SPTBN1: variants seen among roughly 807,000 people sequenced by gnomAD.
SPTBN1 encodes the protein spectrin beta, non-erythrocytic 1, also known as spectrin beta chain, non-erythrocytic 1.
SPTBN1 carries 32 observed loss-of-function variants against 266.4 expected under a neutral mutation model. The ratio of observed to expected loss-of-function variants is 0.12; its 90% CI spans 0.09 to 0.16. The LOEUF is 0.16. SPTBN1 is among the 10% of genes least tolerant of loss of function. SPTBN1 has a pLI of 1.00. For missense variants in SPTBN1, 2,296 were observed against 3,067.1 expected (o/e 0.75, Z 5.94); for synonymous variants, 1,336 against 1,162.2 (o/e 1.15, Z -3.04).
intron 1 of SPTBN1, among the ~76,000 whole-genome samples, chr2:54,504,699 G>T (rs950292431): frequency 6.6e-6 from 1 of 152,138 alleles, no homozygotes; most frequent in Non-Finnish European, 1.5e-5. Flanking sequence ...GTATTCATAA[G>T]AGGTCCTGGA....
chr2:54,663,976 T>G (rs1210178236), intron 32 of SPTBN1: 1 of 152,944 alleles, frequency 6.5e-6, no homozygotes, highest in Admixed American at 6.5e-5. Context: ...CTTGTCTTAC[T>G]CTGGGGGAAT....
chr2:54,485,271 G>C (rs893940116), intron 1 of SPTBN1, among the ~76,000 whole-genome samples: 1 of 148,574 alleles, frequency 6.7e-6, no homozygotes, highest in African/African-American at 2.5e-5. Flanking sequence ...CTCCCATCTC[G>C]GCTCACTGCA....
intron 18 of SPTBN1, among the ~76,000 whole-genome samples, chr2:54,640,448 A>G (rs1029296725): frequency 2.0e-5 from 3 of 152,182 alleles, no homozygotes; most frequent in Non-Finnish European, 4.4e-5. Flanking sequence ...TGTACCAGCA[A>G]TACAGTATGC....
chr2:54,636,398 A>G (rs559027299), intron 17 of SPTBN1, among the ~76,000 whole-genome samples: 2 of 152,338 alleles, frequency 1.3e-5, no homozygotes, highest in Admixed American at 1.3e-4. Context: ...AATATGTATA[A>G]TTTCTACTGT....
intron 2 of SPTBN1, among the ~76,000 whole-genome samples, chr2:54,587,639 TG>T (rs1168510172): frequency 9.9e-5 from 15 of 152,142 alleles, no homozygotes; most frequent in African/African-American, 3.6e-4. Context: ...AAATAAGAGC[TG>T]AAGAGCCTTC....
At chr2:54,489,470 G>C (rs1209932211) in intron 1 of SPTBN1, among the ~76,000 whole-genome samples, 1 of 152,232 alleles carries the variant, frequency 6.6e-6, no homozygotes, top group Non-Finnish European at 1.5e-5. Context: ...GGAGGCTGAA[G>C]TGGGTGGATC....
chr2:54,536,785 A>G (rs1671632513), intron 2 of SPTBN1, among the ~76,000 whole-genome samples: 1 of 152,158 alleles, frequency 6.6e-6, no homozygotes, highest in South Asian at 2.1e-4. Flanking sequence ...TTATCCCAGC[A>G]CTTTGGGAGG....
rs1022158929 is a variant in SPTBN1, at chr2:54,586,460, A to G, written c.149-12632A>G. 5.9e-5 allele frequency among the ~76,000 whole-genome samples: 9 copies of G among 152,326 alleles called. No homozygotes were observed. In the East Asian group the frequency reaches 1.7e-3, roughly 29 times the overall value. On this transcript the variant is annotated intron_variant, in intron 2 of 35. Coordinates refer to ENST00000356805, the MANE Select transcript of SPTBN1 (RefSeq NM_003128.3). The stretch of plus-strand genomic sequence containing the variant: ...TGTCATAATTCTATAGTTTCAAGTG[A>G]TAACTTGGCATTGCTGTGGCTTTCT...
At chr2:54,491,923 A>G (rs981875527) in intron 1 of SPTBN1, among the ~76,000 whole-genome samples, 6 of 151,844 alleles carry the variant, frequency 4.0e-5, no homozygotes, top group African/African-American at 1.5e-4. Context: ...TTAAATCCAA[A>G]TTTTTCTATT....
intron 1 of SPTBN1, among the ~76,000 whole-genome samples, chr2:54,464,239 G>A (rs538415577): frequency 3.3e-4 from 50 of 152,228 alleles, no homozygotes; most frequent in Admixed American, 7.2e-4. Context: ...TTTAAACAAG[G>A]ATTTTCTTGG....
In SPTBN1 at chr2:54,572,679, T is replaced by C. The variant is rs189937414; in HGVS notation, c.149-26413T>C. ...AATCTTTGTTTTTCCTCTACAAATA[T>C]ACATATATGATTTCAATTTGGAGGT... On this transcript the variant is annotated intron_variant, in intron 2 of 35. Transcript: ENST00000356805. 5.3e-5 allele frequency among the ~76,000 whole-genome samples: 8 copies of C among 152,352 alleles called. No homozygotes were observed. The East Asian group carries it at 1.3e-3, about 26-fold the overall frequency.
intron 2 of SPTBN1, among the ~76,000 whole-genome samples, chr2:54,585,350 T>C (rs1006931336): frequency 1.3e-5 from 2 of 152,236 alleles, no homozygotes; most frequent in African/African-American, 2.4e-5. Flanking sequence ...AGGGATCTTA[T>C]GGTGCTACCC....
chr2:54,653,691 A>G lies in SPTBN1; in HGVS notation c.5660A>G (p.Asn1887Ser). The G allele has an allele frequency of 6.2e-7, 1 of 1,614,178 alleles. No homozygotes were observed. Among genetic ancestry groups the G allele is most frequent in the South Asian group, 1.1e-5 (1 of 91,086 alleles). Residue 1887 changes from asparagine to serine, a missense_variant, in exon 27 of 36, where the codon AAC becomes AGC. Around this residue, in one of 12 missense-constraint regions of SPTBN1, gnomAD observed 644 missense variants for 745.3 expected, o/e 0.86. Transcript: ENST00000356805. The surrounding 1 kb of genome is among the most constrained non-coding windows in gnomAD (Gnocchi z 5.1). ...GCCGACGATATCCAGAAGCGCGAGA[A>G]CGAGGTCCTGGAAGCCTGGAAGTCC... The part of the protein sequence containing the change: ...DKADDIQKRE[N>S]EVLEAWKSLL...
intron 27 of SPTBN1, among the ~76,000 whole-genome samples, chr2:54,654,693 A>AT (rs951623466): frequency 2.0e-5 from 3 of 152,308 alleles, no homozygotes; most frequent in South Asian, 4.1e-4. Context: ...TCAAGGTGCG[A>AT]TTGCGGCACC....
At chr2:54,500,209 A>G (rs1377722591) in intron 1 of SPTBN1, among the ~76,000 whole-genome samples, 1 of 152,202 alleles carries the variant, frequency 6.6e-6, no homozygotes, top group African/African-American at 2.4e-5. Flanking sequence ...TGTTTGAGAC[A>G]TTTTATTGTA....
chr2:54,534,212 A>G (rs1012819564), intron 2 of SPTBN1, among the ~76,000 whole-genome samples: 1 of 152,226 alleles, frequency 6.6e-6, no homozygotes, highest in Non-Finnish European at 1.5e-5. Flanking sequence ...CACACCTAAC[A>G]TTCTGTTCAG....
chr2:54,631,573 A>G lies in SPTBN1; in HGVS notation c.3526A>G (p.Arg1176Gly). ...SQSHAYQQFL[R>G]DTKQAEAFLN... is the part of the protein sequence containing the mutation. ...GTCACATGCCTACCAGCAGTTCCTC[A>G]GAGACACGAAGCAAGCCGAAGCCTT... is the stretch of plus-strand genomic sequence containing the variant. The change falls in exon 16 of 36, where the codon AGA (arginine) becomes GGA (glycine). Residue 1176 changes from arginine to glycine, a missense_variant. Coordinates refer to ENST00000356805, the MANE Select transcript of SPTBN1 (RefSeq NM_003128.3). 1.2e-6 allele frequency: 2 copies of G among 1,613,752 alleles called. No homozygotes were observed. The highest frequency in any genetic ancestry group is 1.7e-6 in the Non-Finnish European group (2 of 1,179,888).
At position 54,670,951 on chromosome 2, in the gene SPTBN1, G is replaced by GTT; in HGVS notation, c.*2387_*2388dup. On this transcript the variant is annotated 3_prime_UTR_variant, in exon 36 of 36. Coordinates refer to ENST00000356805, the MANE Select transcript of SPTBN1 (RefSeq NM_003128.3). ...GCCTGGCAGGGTAAATAGTTTTTGG[G>GTT]TTTTTTGTTTTTTTTTTATTCTTCC... 3 of 395,258 alleles carry GTT rather than the reference G, an allele frequency of 7.6e-6. No homozygotes were observed. Among genetic ancestry groups the GTT allele is most frequent in the Admixed American group, 4.4e-5 (1 of 22,582 alleles). 24.5% of individuals were successfully genotyped at this position (395,258 alleles called of 1,614,324 possible).
intron 1 of SPTBN1, among the ~76,000 whole-genome samples, chr2:54,498,636 A>G (rs1185515218): frequency 6.6e-6 from 1 of 152,224 alleles, no homozygotes; most frequent in Non-Finnish European, 1.5e-5. Context: ...TAACGCAACT[A>G]TATATACATC....
Sources: allele counts gnomAD v4.1 joint callset (sites outside exome capture counted in the v4.1 genomes callset), GRCh38; gene constraint gnomAD v4.1.1; regional missense constraint gnomAD v4.1.1; non-coding constraint Gnocchi (gnomAD v3.1); transcripts MANE v1.5; gene names NCBI Gene and HGNC (gene_info 2026-07-23, HGNC 2026-07-21).